UMAD1: variants seen among roughly 807,000 people sequenced by gnomAD.
The protein encoded by UMAD1 is UBAP1-MVB12-associated (UMA)-domain containing protein 1.
UMAD1 carries 8 observed loss-of-function variants against 6.1 expected under a neutral mutation model. The ratio of observed to expected loss-of-function variants is 1.30; its 90% confidence interval spans 0.76 to 2.35. UMAD1 has a LOEUF of 2.35. Ranked by LOEUF, UMAD1 falls within the 30% of genes most tolerant of loss-of-function variation. The pLI, the probability that UMAD1 is intolerant of heterozygous loss-of-function variation, is 0.00. For synonymous variants in UMAD1, 56 were observed against 31.4 expected, an observed-to-expected ratio of 1.78 and a Z score of -2.61; for missense variants, 130 against 78.4, an observed-to-expected ratio of 1.66 and a Z score of -2.49.
intron 2 of UMAD1, among the ~76,000 whole-genome samples, chr7:7,710,670 A>G (rs1364675560): frequency 6.6e-6 from 1 of 152,240 alleles, no homozygotes; most frequent in Non-Finnish European, 1.5e-5. Flanking sequence ...TGCAGTTACT[A>G]TACGACTCAG....
intron 2 of UMAD1, among the ~76,000 whole-genome samples, chr7:7,726,885 A>G (rs754750056): frequency 6.6e-6 from 1 of 152,214 alleles, no homozygotes; most frequent in Non-Finnish European, 1.5e-5. Context: ...AATCAGCCTA[A>G]TACTTCACAA....
At chr7:7,839,038 C>G (rs1783625293) in intron 3 of UMAD1, among the ~76,000 whole-genome samples, 1 of 152,122 alleles carries the variant, frequency 6.6e-6, no homozygotes, top group Non-Finnish European at 1.5e-5. Context: ...AGAGCAGACT[C>G]CAGAGTTCCT....
intron 2 of UMAD1, chr7:7,742,181 A>G: frequency 1.5e-6 from 1 of 671,150 alleles, no homozygotes; most frequent in Non-Finnish European, 2.8e-6. Flanking sequence ...TCAGGTGTTG[A>G]CCTTGGCCAC....
intron 2 of UMAD1, chr7:7,742,350 T>C: frequency 1.7e-6 from 1 of 605,054 alleles, no homozygotes; most frequent in South Asian, 1.4e-5. Context: ...TTGTTTCTCC[T>C]GGGGGCGCTC....
chr7:7,675,959 A>G, intron 2 of UMAD1: 1 of 391,136 alleles, frequency 2.6e-6, no homozygotes, highest in Non-Finnish European at 4.5e-6. Flanking sequence ...CACCATTTTC[A>G]TAAAATCCTC....
At chr7:7,865,699 A>AT (rs957018315) in intron 3 of UMAD1, among the ~76,000 whole-genome samples, 1 of 152,154 alleles carries the variant, frequency 6.6e-6, no homozygotes, top group African/African-American at 2.4e-5. Flanking sequence ...GTTCATGTCC[A>AT]TTGTCCCCAA....
In UMAD1 at chr7:7,857,777, A is replaced by G. The variant is rs1355876183; in HGVS notation, c.157-19504A>G. Among the ~76,000 whole-genome samples the G allele has an allele frequency of 2.0e-5, 3 of 152,332 alleles. No individual in the cohort carries two copies. The East Asian group carries it at 5.8e-4, about 29-fold the overall frequency. ...AAAAATGACACATAATACAACAGCCAACAATGTTTTTCCCCCTCCAAAAAA... is the reference window on the plus strand; with the variant it reads ...AAAAATGACACATAATACAACAGCCGACAATGTTTTTCCCCCTCCAAAAAA... On this transcript the variant is annotated intron_variant, in intron 3 of 3. Coordinates refer to ENST00000682710, the MANE Select transcript of UMAD1 (RefSeq NM_001302348.2).
At chr7:7,761,363 T>TAAAAAAAAAAAAAAAAAAAAA (rs375910269) in intron 2 of UMAD1, among the ~76,000 whole-genome samples, 12 of 121,112 alleles carry the variant, frequency 9.9e-5, no homozygotes, top group African/African-American at 1.4e-4. Flanking sequence ...GAGACCTAAC[T>TAAAAAAAAAAAAAAAAAAAAA]AAAAAAAAAA....
chr7:7,665,824 CTT>C (rs1331154292), intron 1 of UMAD1, among the ~76,000 whole-genome samples: 5 of 143,090 alleles, frequency 3.5e-5, no homozygotes, highest in Admixed American at 7.0e-5. Flanking sequence ...TTTCCATCAG[CTT>C]TTTTTTTTTT....
chr7:7,660,301 A>G (rs1010721558), intron 1 of UMAD1, among the ~76,000 whole-genome samples: 10 of 152,112 alleles, frequency 6.6e-5, no homozygotes, highest in African/African-American at 2.4e-4. Flanking sequence ...GCCCATTTAC[A>G]TTTCAGGTTA....
At chr7:7,739,869 CTTAT>C (rs1479693236) in intron 2 of UMAD1, among the ~76,000 whole-genome samples, 1 of 152,202 alleles carries the variant, frequency 6.6e-6, no homozygotes, top group Non-Finnish European at 1.5e-5. Flanking sequence ...TCAGATTCTG[CTTAT>C]TTGTCTATAC....
intron 1 of UMAD1, among the ~76,000 whole-genome samples, chr7:7,661,475 A>G (rs967410696): frequency 1.3e-5 from 2 of 151,966 alleles, no homozygotes; most frequent in Non-Finnish European, 2.9e-5. Context: ...GATGCTGGTG[A>G]CCTTTCAGTG....
chr7:7,849,409 C>T (rs1783871738), intron 3 of UMAD1, among the ~76,000 whole-genome samples: 1 of 152,136 alleles, frequency 6.6e-6, no homozygotes, highest in Non-Finnish European at 1.5e-5. Flanking sequence ...CAACACAGTT[C>T]ACTATAAAAG....
chr7:7,727,821 A>G (rs577878486), intron 2 of UMAD1, among the ~76,000 whole-genome samples: 1 of 152,088 alleles, frequency 6.6e-6, no homozygotes, highest in Non-Finnish European at 1.5e-5. Context: ...CTTGCTCCTC[A>G]GTTTGTAGAT....
At chr7:7,673,720 T>TCCACAG (rs1779671405) in intron 2 of UMAD1, among the ~76,000 whole-genome samples, 1 of 152,084 alleles carries the variant, frequency 6.6e-6, no homozygotes, top group Non-Finnish European at 1.5e-5. Context: ...CCTTTTTTTT[T>TCCACAG]TTAACTGTGG....
intron 3 of UMAD1, among the ~76,000 whole-genome samples, chr7:7,865,861 G>A (rs1055644592): frequency 6.6e-6 from 1 of 152,212 alleles, no homozygotes; most frequent in Non-Finnish European, 1.5e-5. Flanking sequence ...AGCTCAGTGA[G>A]AAGATGGGTC....
intron 2 of UMAD1, among the ~76,000 whole-genome samples, chr7:7,756,267 G>C (rs1194167546): frequency 6.6e-6 from 1 of 152,182 alleles, no homozygotes; most frequent in African/African-American, 2.4e-5. Flanking sequence ...TTTACACCTG[G>C]TGAATTGACC....
At position 7,673,334 on chromosome 7, in the gene UMAD1, C is replaced by T. The variant is rs902645786; in HGVS notation, c.-38C>T. 14 of 1,216,188 alleles carry T rather than the reference C, an allele frequency of 1.2e-5. No homozygotes were observed. In the East Asian group the frequency reaches 3.3e-4, roughly 29 times the overall value. The allele number at this position is 1,216,188 out of a possible 1,614,324, so 75.3% of individuals were successfully genotyped here. ...GTAGCAGCAGCAGCAGCAGCAGCAG[C>T]AGCAGCAGCAGCAGCAGCAGCAGCA... is the stretch of plus-strand genomic sequence containing the variant. On this transcript the variant is annotated 5_prime_UTR_variant, in exon 2 of 4. Transcript: ENST00000682710.
At chr7:7,659,311 T>C (rs6463713) in intron 1 of UMAD1, among the ~76,000 whole-genome samples, 141,347 of 152,158 alleles carry the variant, frequency 0.93, 65,724 homozygotes, top group African/African-American at 0.97. Flanking sequence ...TCCTTCATTT[T>C]TGCTCTGATC....
Sources: allele counts gnomAD v4.1 joint callset (sites outside exome capture counted in the v4.1 genomes callset), GRCh38; gene constraint gnomAD v4.1.1; transcripts MANE v1.5; gene names NCBI Gene and HGNC (gene_info 2026-07-23, HGNC 2026-07-21).